SMIM13: variants seen among roughly 807,000 people sequenced by gnomAD.
The protein encoded by SMIM13 is small integral membrane protein 13.
In SMIM13, 3 loss-of-function variants were observed where a neutral mutation model predicts 5.9. The observed-to-expected ratio is 0.51, with a 90% confidence interval of 0.23 to 1.31. The LOEUF (loss-of-function observed/expected upper bound fraction) is 1.31. SMIM13 is among the 40% of genes most tolerant of loss of function. The pLI, the probability that SMIM13 is intolerant of heterozygous loss-of-function variation, is 0.18. For synonymous variants in SMIM13, 55 were observed against 46.0 expected (o/e 1.19, Z -0.79); for missense variants, 85 against 109.9 (o/e 0.77, Z 1.01).
At chr6:11,106,580 A>G (rs1488332805) in intron 1 of SMIM13, among the ~76,000 whole-genome samples, 4 of 152,200 alleles carry the variant, frequency 2.6e-5, no homozygotes, top group Non-Finnish European at 5.9e-5. Flanking sequence ...CCCAACCTAT[A>G]TCATCCATTG....
chr6:11,097,074 G>A (rs1160587364), intron 1 of SMIM13, among the ~76,000 whole-genome samples: 1 of 152,178 alleles, frequency 6.6e-6, no homozygotes, highest in African/African-American at 2.4e-5. Context: ...CCGACCTCAG[G>A]TGATCTGCCC....
rs1456174007 is a variant in SMIM13, at chr6:11,134,383, GT to G, written c.77-15del. The G allele has an allele frequency of 6.5e-7, 1 of 1,538,772 alleles. No homozygotes were observed. Among genetic ancestry groups the G allele is most frequent in the Non-Finnish European group, 8.8e-7 (1 of 1,137,840 alleles). On this transcript the variant is annotated intron_variant, in intron 1 of 1. Transcript: ENST00000416247. ...ATTGTGTGTAATAACTTTTCTTAAT[GT>G]TTTTGTCTTTCTCTGTAGGTTGGTA...
chr6:11,113,970 C>CTT (rs558822118), intron 1 of SMIM13, among the ~76,000 whole-genome samples: 25,717 of 143,376 alleles, frequency 0.18, 2,467 homozygotes, highest in African/African-American at 0.28. Flanking sequence ...TAAAGTTATT[C>CTT]TTTTTGTTTT....
chr6:11,101,742 C>CT (rs70991083), intron 1 of SMIM13, among the ~76,000 whole-genome samples: 27,731 of 139,228 alleles, frequency 0.2, 3,264 homozygotes, highest in African/African-American at 0.32. Context: ...TTAAGCAATT[C>CT]TTTTTTTTTT....
At chr6:11,112,325 C>T (rs1421292466) in intron 1 of SMIM13, among the ~76,000 whole-genome samples, 1 of 151,926 alleles carries the variant, frequency 6.6e-6, no homozygotes, top group African/African-American at 2.4e-5. Flanking sequence ...AATCTTGGCT[C>T]ACTGCAACCT....
chr6:11,123,372 C>T (rs1321015444), intron 1 of SMIM13, among the ~76,000 whole-genome samples: 1 of 152,204 alleles, frequency 6.6e-6, no homozygotes, highest in Non-Finnish European at 1.5e-5. Context: ...TTAGTAAATT[C>T]CCCTTTTTTT....
intron 1 of SMIM13, among the ~76,000 whole-genome samples, chr6:11,133,734 A>G (rs1277581182): frequency 6.8e-6 from 1 of 146,136 alleles, no homozygotes; most frequent in African/African-American, 2.5e-5. Context: ...CAAAAACAAA[A>G]CTTGTTTTTT....
chr6:11,103,884 G>A, intron 1 of SMIM13: 1 of 1,551,694 alleles, frequency 6.4e-7, no homozygotes, highest in Non-Finnish European at 8.7e-7. Context: ...CCATTTCCAA[G>A]TTCCTTCCCA....
chr6:11,095,859 G>A (rs1046333033), intron 1 of SMIM13, among the ~76,000 whole-genome samples: 2 of 152,148 alleles, frequency 1.3e-5, no homozygotes, highest in Non-Finnish European at 2.9e-5. Context: ...AAATCCTTGT[G>A]ATATGTTTGG....
At chr6:11,128,578 C>A (rs189118162) in intron 1 of SMIM13, among the ~76,000 whole-genome samples, 1 of 152,214 alleles carries the variant, frequency 6.6e-6, no homozygotes, top group East Asian at 1.9e-4. Flanking sequence ...CCAAGCCCAT[C>A]CTAGCACAGC....
intron 1 of SMIM13, among the ~76,000 whole-genome samples, chr6:11,119,510 C>A (rs1381741250): frequency 1.3e-5 from 2 of 152,060 alleles, no homozygotes; most frequent in East Asian, 3.9e-4. Flanking sequence ...AAAAATTAGC[C>A]AGGCGTGGTG....
chr6:11,100,645 G>T (rs1757978250), intron 1 of SMIM13, among the ~76,000 whole-genome samples: 1 of 152,088 alleles, frequency 6.6e-6, no homozygotes, highest in African/African-American at 2.4e-5. Context: ...AAGAATGCAT[G>T]AAAAATTTTT....
chr6:11,103,794 A>G, intron 1 of SMIM13: 3 of 1,551,716 alleles, frequency 1.9e-6, no homozygotes, highest in Non-Finnish European at 2.6e-6. Flanking sequence ...TTGGGTTATT[A>G]GATTTAGGAG....
chr6:11,124,374 A>C (rs957086998), intron 1 of SMIM13, among the ~76,000 whole-genome samples: 1 of 152,224 alleles, frequency 6.6e-6, no homozygotes, highest in African/African-American at 2.4e-5. Flanking sequence ...TATGTACCAC[A>C]TTTTTAAAAT....
At chr6:11,105,295 G>A (rs1216101989) in intron 1 of SMIM13, 1 of 1,613,224 alleles carries the variant, frequency 6.2e-7, no homozygotes, top group South Asian at 1.1e-5. Flanking sequence ...ATGAGAACCA[G>A]CAGGAGCAGG....
intron 1 of SMIM13, chr6:11,104,105 C>G (rs1480206495): frequency 6.4e-7 from 1 of 1,550,558 alleles, no homozygotes; most frequent in Admixed American, 2.0e-5. Context: ...TTTGTTCTTG[C>G]ATGGTCGTTA....
chr6:11,126,541 C>G (rs1758379522), intron 1 of SMIM13, among the ~76,000 whole-genome samples: 1 of 152,136 alleles, frequency 6.6e-6, no homozygotes, highest in Non-Finnish European at 1.5e-5. Flanking sequence ...CAAATTCATT[C>G]TCTTTAATTT....
chr6:11,103,184 T>A (rs1758021197), intron 1 of SMIM13: 1 of 154,740 alleles, frequency 6.5e-6, no homozygotes, highest in South Asian at 2.0e-4. Context: ...ATATATGAGT[T>A]AAATGCCACT....
chr6:11,105,130 A>T, intron 1 of SMIM13: 1 of 1,614,208 alleles, frequency 6.2e-7, no homozygotes. Context: ...TCTCTGGGCG[A>T]GGCTGGATAA....
Sources: gnomAD v4.1 joint callset for allele counts (sites outside exome capture counted in the v4.1 genomes callset) on GRCh38, gnomAD v4.1.1 for gene constraint, MANE v1.5 for transcripts, NCBI Gene and HGNC (gene_info 2026-07-23, HGNC 2026-07-21) for gene names.